MAP3K21: variants seen among roughly 807,000 people sequenced by gnomAD.
MAP3K21 encodes the protein mitogen-activated protein kinase kinase kinase 21.
A neutral mutation model predicts 86.1 loss-of-function variants in MAP3K21; 63 were observed. The ratio of observed to expected loss-of-function variants is 0.73; its 90% CI spans 0.60 to 0.90. The LOEUF (loss-of-function observed/expected upper bound fraction) is 0.90, where lower values mean the gene tolerates loss of function less well. Among genes scored for constraint, MAP3K21 ranks in the 40% least tolerant of loss-of-function variants. MAP3K21 has a pLI of 0.00. For synonymous variants in MAP3K21, 558 were observed against 564.8 expected, an observed-to-expected ratio of 0.99 and a Z score of 0.17; for missense variants, 1,220 against 1,367.7, an observed-to-expected ratio of 0.89 and a Z score of 1.70.
At chr1:233,340,345 C>T (rs149955012) in intron 1 of MAP3K21, among the ~76,000 whole-genome samples, 155 of 151,984 alleles carry the variant, frequency 1.0e-3, no homozygotes, top group African/African-American at 3.2e-3. Context: ...TTATAGAGGG[C>T]GGAAGAGGAA....
At chr1:233,370,296 A>T (rs1416119497) in intron 5 of MAP3K21, among the ~76,000 whole-genome samples, 2 of 152,216 alleles carry the variant, frequency 1.3e-5, no homozygotes, top group African/African-American at 4.8e-5. Flanking sequence ...TTGTCAGTAA[A>T]GATACTGAGA....
At chr1:233,376,982 C>A (rs1472329335) in intron 8 of MAP3K21, among the ~76,000 whole-genome samples, 1 of 152,124 alleles carries the variant, frequency 6.6e-6, no homozygotes, top group East Asian at 1.9e-4. Context: ...GTAATCCCAG[C>A]TACTCAGGAG....
In MAP3K21 at chr1:233,339,195, TTTCTTCTTCTTCTTCTTC is replaced by T. The variant is rs71173272; in HGVS notation, c.806-7192_806-7175del. Among the ~76,000 whole-genome samples, 351 of 115,468 alleles carry T rather than the reference TTTCTTCTTCTTCTTCTTC, an allele frequency of 3.0e-3. 2 individuals are homozygous for T. Among genetic ancestry groups the T allele is most frequent in the Non-Finnish European group, 4.6e-3 (247 of 53,338 alleles). The allele number at this position is 115,468 out of a possible 152,430, so 75.8% of individuals were successfully genotyped here. A position where few individuals can be genotyped will look rare whatever the true frequency, so the allele number is the denominator to read the frequency against. ...GCTACAATTATTTTTAAAACAATCA[TTTCTTCTTCTTCTTCTTC>T]TTCTTCTTCTTCTTCTTCTTCTTCT... On this transcript the variant is annotated intron_variant, in intron 1 of 9. Transcript: ENST00000366624.
intron 1 of MAP3K21, among the ~76,000 whole-genome samples, chr1:233,342,115 C>T (rs1663048528): frequency 6.6e-6 from 1 of 152,028 alleles, no homozygotes; most frequent in Non-Finnish European, 1.5e-5. Context: ...TCTTTATATT[C>T]ATAGGGAATA....
chr1:233,328,332 C>G lies in MAP3K21; in HGVS notation c.304C>G (p.Pro102Ala). The stretch of plus-strand genomic sequence containing the variant: ...CGCCAACTACGTGGCTCCCTGCCGC[C>G]CGGCCGCCAGCCCCGCGCCGCCGCC... ...FPANYVAPCR[P>A]AASPAPPPSR... The change falls in exon 1 of 10, where the codon CCG becomes GCG. Residue 102 changes from proline to alanine, a missense_variant. Pro to Ala is a conservative substitution (Grantham distance 27). This residue lies in a region of MAP3K21 where 369 missense variants were observed against 385.3 expected (regional missense o/e 0.96). Transcript: ENST00000366624. This position sits in a 1 kb window ranked among gnomAD's most constrained non-coding sequence, Gnocchi z 8.7. 2 of 1,472,656 alleles carry G rather than the reference C, an allele frequency of 1.4e-6. No individual in the cohort carries two copies. The highest frequency in any genetic ancestry group is 1.8e-6 in the Non-Finnish European group (2 of 1,120,366). 91.2% of individuals were successfully genotyped at this position (1,472,656 alleles called of 1,614,324 possible).
chr1:233,363,851 C>CAAAAAAA (rs71793740), intron 5 of MAP3K21, among the ~76,000 whole-genome samples: 5 of 128,766 alleles, frequency 3.9e-5, no homozygotes, highest in African/African-American at 1.4e-4. Context: ...TACTAAAATA[C>CAAAAAAA]AAAAAAAAAA....
At chr1:233,371,941 C>A in intron 5 of MAP3K21, 97 bp from the exon 6 acceptor site, 1 of 1,240,520 alleles carries the variant, frequency 8.1e-7, no homozygotes, top group South Asian at 1.8e-5. Context: ...CAGTTAGGGT[C>A]TGACCATTTT....
intron 9 of MAP3K21, among the ~76,000 whole-genome samples, chr1:233,381,353 C>T (rs1365483949): frequency 6.6e-6 from 1 of 152,158 alleles, no homozygotes; most frequent in Non-Finnish European, 1.5e-5. Flanking sequence ...TCAGATGGCA[C>T]ACTAAGTGCT....
Position 233,354,958 on chromosome 1 carries a change from G to A in MAP3K21, c.1258G>A (p.Asp420Asn), listed in dbSNP as rs35465006. The change falls in exon 4 of 10, where the codon GAC becomes AAC. Residue 420 changes from aspartate to asparagine, a missense_variant. Asp to Asn is a conservative substitution (Grantham distance 23). Around this residue, in one of 5 missense-constraint regions of MAP3K21, gnomAD observed 126 missense variants for 127.7 expected, o/e 0.99. Transcript: ENST00000366624. ...AGAATCTTTTCATTCCATGCAAGAT[G>A]ACTGGAAACTAGAAATTCAACAAAT... ...PQESFHSMQD[D>N]WKLEIQQMFD... 9.7e-4 allele frequency: 1,561 copies of A among 1,613,998 alleles called. 3 individuals are homozygous for A. The highest frequency in any genetic ancestry group is 2.6e-3 in the Admixed American group (158 of 60,010).
At chr1:233,378,871 G>T in intron 8 of MAP3K21, 60 bp from the exon 9 acceptor site, 1 of 1,190,180 alleles carries the variant, frequency 8.4e-7, no homozygotes, top group South Asian at 1.5e-5. Context: ...TTACAATCTT[G>T]TTTAAATGAC....
intron 2 of MAP3K21, among the ~76,000 whole-genome samples, chr1:233,352,192 T>A (rs1216136966): frequency 6.6e-6 from 1 of 152,212 alleles, no homozygotes; most frequent in Non-Finnish European, 1.5e-5. Context: ...CAGCTATTTT[T>A]ATTTTTTAAT....
chr1:233,378,806 A>G, intron 8 of MAP3K21, 125 bp from the exon 9 acceptor site: 1 of 721,762 alleles, frequency 1.4e-6, no homozygotes, highest in Non-Finnish European at 2.2e-6. Flanking sequence ...CAGAAATGAA[A>G]AGGGCTGCAT....
chr1:233,332,515 AG>A (rs1662826815), intron 1 of MAP3K21, among the ~76,000 whole-genome samples: 1 of 152,044 alleles, frequency 6.6e-6, no homozygotes, highest in African/African-American at 2.4e-5. Flanking sequence ...GTGCACATGG[AG>A]GTTTCACTTG....
At chr1:233,335,500 G>T (rs1662894779) in intron 1 of MAP3K21, among the ~76,000 whole-genome samples, 1 of 151,836 alleles carries the variant, frequency 6.6e-6, no homozygotes. Context: ...ACAACCTTTT[G>T]AGGTGGCGCT....
intron 1 of MAP3K21, among the ~76,000 whole-genome samples, chr1:233,341,946 G>A (rs934872045): frequency 5.9e-5 from 9 of 151,626 alleles, no homozygotes; most frequent in African/African-American, 2.2e-4. Context: ...GAAATTAATG[G>A]TATTTCTAGA....
chr1:233,380,588 G>T (rs1354863534), intron 9 of MAP3K21, among the ~76,000 whole-genome samples: 3 of 152,194 alleles, frequency 2.0e-5, no homozygotes, highest in East Asian at 1.9e-4. Flanking sequence ...TGAGGTTTAT[G>T]TCCAGATGTG....
chr1:233,368,496 T>C (rs1041523895), intron 5 of MAP3K21, among the ~76,000 whole-genome samples: 1 of 151,784 alleles, frequency 6.6e-6, no homozygotes, highest in Non-Finnish European at 1.5e-5. Context: ...TCTACAAAAA[T>C]ATACAAAAAT....
intron 1 of MAP3K21, among the ~76,000 whole-genome samples, chr1:233,334,964 T>TTTC (rs1173585985): frequency 2.9e-3 from 19 of 6,474 alleles, no homozygotes; most frequent in African/African-American, 8.6e-3. Flanking sequence ...TCTTTCTTTC[T>TTTC]TTTTTTTTTT....
chr1:233,356,705 G>T (rs903359341), intron 4 of MAP3K21, among the ~76,000 whole-genome samples: 1 of 152,142 alleles, frequency 6.6e-6, no homozygotes, highest in Non-Finnish European at 1.5e-5. Flanking sequence ...CCATTAACAG[G>T]GGAACAGATG....
Sources: gnomAD v4.1 joint callset for allele counts (sites outside exome capture counted in the v4.1 genomes callset) on GRCh38, gnomAD v4.1.1 for gene constraint, gnomAD v4.1.1 regional missense constraint, Gnocchi (gnomAD v3.1) non-coding constraint, MANE v1.5 for transcripts, NCBI Gene and HGNC (gene_info 2026-07-23, HGNC 2026-07-21) for gene names.